CDH4: variants seen among roughly 807,000 people sequenced by gnomAD.
CDH4 encodes the protein cadherin 4.
A neutral mutation model predicts 86.0 loss-of-function variants in CDH4; 33 were observed. The ratio of observed to expected loss-of-function variants is 0.38; its 90% CI spans 0.29 to 0.51. CDH4 has a LOEUF of 0.51. CDH4 is among the 20% of genes least tolerant of loss of function. The pLI, the probability that CDH4 is intolerant of heterozygous loss-of-function variation, is 0.86. For missense variants in CDH4, 1,114 were observed against 1,307.4 expected (o/e 0.85, Z 2.28); for synonymous variants, 555 against 549.4 (o/e 1.01, Z -0.14).
chr20:61,291,261 A>G lies in CDH4; in HGVS notation c.169+36324A>G, dbSNP rs1034893484. 1.1e-4 allele frequency among the ~76,000 whole-genome samples: 16 copies of G among 152,372 alleles called. No individual in the cohort carries two copies. In the East Asian group the frequency reaches 3.1e-3, roughly 29 times the overall value. ...AAGCTGTGAGTGTCTTTATTTGGAC[A>G]AAAGGGTCTTTGCAGTTGTGATTAA... is the stretch of plus-strand genomic sequence containing the variant. On this transcript the variant is annotated intron_variant, in intron 2 of 15. Transcript: ENST00000614565.
rs11481455 is a variant in CDH4 at position 61,937,249 on chromosome 20, G to GAAAAAAAAAAAAAAAAA, written c.*322_*323insAAAAAAAAAAAAAAAAA. On this transcript the variant is annotated 3_prime_UTR_variant, in exon 16 of 16. Transcript: ENST00000614565. ...AAAAAAAAAAAAAAGAAGAAAGAAA[G>GAAAAAAAAAAAAAAAAA]AAAAAAAAAAAAAAAAGAAAGTGCC... 1 of 109,708 alleles carries GAAAAAAAAAAAAAAAAA rather than the reference G, an allele frequency of 9.1e-6. No homozygotes were observed. Among genetic ancestry groups the GAAAAAAAAAAAAAAAAA allele is most frequent in the Non-Finnish European group, 1.7e-5 (1 of 57,300 alleles). 6.8% of individuals were successfully genotyped at this position (109,708 alleles called of 1,614,324 possible).
intron 2 of CDH4, among the ~76,000 whole-genome samples, chr20:61,482,135 G>C (rs1376907710): frequency 6.6e-6 from 1 of 152,152 alleles, no homozygotes; most frequent in Non-Finnish European, 1.5e-5. Flanking sequence ...TCAAGTTGCT[G>C]AAATTCTCTG....
chr20:61,382,675 C>T (rs533821843), intron 2 of CDH4, among the ~76,000 whole-genome samples: 31 of 152,304 alleles, frequency 2.0e-4, no homozygotes, highest in Admixed American at 3.9e-4. Context: ...CCCTGCCTCA[C>T]GTCTTCCAGC....
chr20:61,372,332 C>G (rs1353056944), intron 2 of CDH4, among the ~76,000 whole-genome samples: 1 of 152,216 alleles, frequency 6.6e-6, no homozygotes, highest in Admixed American at 6.5e-5. Context: ...AGCCCTCCTG[C>G]CCAGTGTTTA....
chr20:61,881,319 G>A (rs972638594), intron 7 of CDH4, among the ~76,000 whole-genome samples: 1 of 152,240 alleles, frequency 6.6e-6, no homozygotes, highest in African/African-American at 2.4e-5. Flanking sequence ...AGTCTGAGAG[G>A]AGGCTCCATT....
At chr20:61,591,164 A>G (rs1353330267) in intron 2 of CDH4, among the ~76,000 whole-genome samples, 2 of 152,148 alleles carry the variant, frequency 1.3e-5, no homozygotes, top group African/African-American at 4.8e-5. Context: ...CAAGAGGCGG[A>G]CCCACTGATA....
intron 5 of CDH4, among the ~76,000 whole-genome samples, chr20:61,847,061 C>T (rs1362550918): frequency 6.6e-6 from 1 of 152,230 alleles, no homozygotes; most frequent in Non-Finnish European, 1.5e-5. Context: ...AGGCCTCTTC[C>T]TTCCATTTCA....
chr20:61,430,433 A>G (rs2085240167), intron 2 of CDH4, among the ~76,000 whole-genome samples: 1 of 152,132 alleles, frequency 6.6e-6, no homozygotes, highest in South Asian at 2.1e-4. Flanking sequence ...TGAAGCCAAA[A>G]CAGTTTGATG....
At chr20:61,893,980 G>T (rs1228163369) in intron 7 of CDH4, among the ~76,000 whole-genome samples, 1 of 152,148 alleles carries the variant, frequency 6.6e-6, no homozygotes, top group South Asian at 2.1e-4. Flanking sequence ...GCTAGGAGCT[G>T]GTCTTTTCCC....
intron 4 of CDH4, among the ~76,000 whole-genome samples, chr20:61,838,763 G>T (rs1357179901): frequency 1.4e-5 from 2 of 147,286 alleles, no homozygotes; most frequent in African/African-American, 5.0e-5. Context: ...AGTGGAGGTT[G>T]CAGTGAACCA....
intron 2 of CDH4, among the ~76,000 whole-genome samples, chr20:61,375,591 GGTGGTGGTCATAGCA>G: frequency 6.9e-6 from 1 of 145,496 alleles, no homozygotes; most frequent in African/African-American, 2.7e-5. Flanking sequence ...TCATAGCACT[GGTGGTGGTCATAGCA>G]CTGGTGGTGA....
At position 61,501,692 on chromosome 20, in the gene CDH4, G is replaced by A. The variant is rs985355821; in HGVS notation, c.170-241871G>A. ...TGCCGTGCCCTGTGAACTAGAAGAG[G>A]GTACTGGAATACTAGCTATCTTCAC... On this transcript the variant is annotated intron_variant, in intron 2 of 15. Transcript: ENST00000614565. This position sits in a 1 kb window ranked among gnomAD's most constrained non-coding sequence, Gnocchi z 4.2. 6.6e-6 allele frequency among the ~76,000 whole-genome samples: 1 copy of A among 152,058 alleles called. No homozygotes were observed. Among genetic ancestry groups the A allele is most frequent in the Admixed American group, 6.6e-5 (1 of 15,264 alleles).
intron 2 of CDH4, among the ~76,000 whole-genome samples, chr20:61,263,997 T>C (rs2084142261): frequency 6.6e-6 from 1 of 152,134 alleles, no homozygotes; most frequent in Admixed American, 6.5e-5. Flanking sequence ...TGGGCCTCCC[T>C]GAGTAACCCA....
In CDH4 at chr20:61,537,584, G is replaced by A. The variant is rs561592899; in HGVS notation, c.170-205979G>A. On this transcript the variant is annotated intron_variant, in intron 2 of 15. Transcript: ENST00000614565. ...CCTGGAAGGAAATCGCCCTACCCCGGTCTAGAACTCAAGGAGCCAGGAGTG... is the reference window on the plus strand; with the variant it reads ...CCTGGAAGGAAATCGCCCTACCCCGATCTAGAACTCAAGGAGCCAGGAGTG... Among the ~76,000 whole-genome samples the A allele has an allele frequency of 1.4e-4, 22 of 152,294 alleles. No homozygotes were observed. In the South Asian group the frequency reaches 4.6e-3, roughly 32 times the overall value.
chr20:61,758,640 T>A (rs1240464783), intron 3 of CDH4, among the ~76,000 whole-genome samples: 1 of 152,184 alleles, frequency 6.6e-6, no homozygotes, highest in African/African-American at 2.4e-5. Flanking sequence ...ACCTCAGGAC[T>A]GCACGTGGCA....
At chr20:61,861,943 C>T (rs576100985) in intron 6 of CDH4, among the ~76,000 whole-genome samples, 19 of 152,178 alleles carry the variant, frequency 1.2e-4, no homozygotes, top group Admixed American at 1.3e-4. Flanking sequence ...GAGATACATC[C>T]GCTCCTCAAG....
chr20:61,700,410 T>C (rs1025038583), intron 2 of CDH4, among the ~76,000 whole-genome samples: 1 of 152,236 alleles, frequency 6.6e-6, no homozygotes, highest in South Asian at 2.1e-4. Context: ...TATTAGACTC[T>C]TGGGGTCAGG....
chr20:61,680,522 C>T (rs1204970115), intron 2 of CDH4, among the ~76,000 whole-genome samples: 1 of 151,946 alleles, frequency 6.6e-6, no homozygotes, highest in Admixed American at 6.5e-5. Flanking sequence ...GCATGATGGG[C>T]AGGGGCTCTA....
chr20:61,779,836 G>A (rs983208143), intron 4 of CDH4, among the ~76,000 whole-genome samples: 12 of 152,260 alleles, frequency 7.9e-5, no homozygotes, highest in Non-Finnish European at 1.8e-4. Flanking sequence ...CGTGGCAGGG[G>A]CCCCATAAAA....
Sources: gnomAD v4.1 joint callset for allele counts (sites outside exome capture counted in the v4.1 genomes callset) on GRCh38, gnomAD v4.1.1 for gene constraint, Gnocchi (gnomAD v3.1) non-coding constraint, MANE v1.5 for transcripts, NCBI Gene and HGNC (gene_info 2026-07-23, HGNC 2026-07-21) for gene names.